Variants in ABCC8 observed in about 807,000 individuals in gnomAD.
The protein encoded by ABCC8 is ATP-binding cassette sub-family C member 8.
ABCC8 carries 137 observed loss-of-function variants against 188.0 expected under a neutral mutation model. That is an observed-to-expected ratio of 0.73 (90% CI 0.63 to 0.84). The LOEUF (loss-of-function observed/expected upper bound fraction) is 0.84. Ranked by LOEUF, ABCC8 falls within the 40% of genes least tolerant of loss-of-function variation. The pLI, the probability that ABCC8 is intolerant of heterozygous loss-of-function variation, is 0.00. For synonymous variants in ABCC8, 797 were observed against 846.5 expected (o/e 0.94, Z 1.01); for missense variants, 1,750 against 2,072.7 (o/e 0.84, Z 3.02).
At chr11:17,410,482 C>G in intron 22 of ABCC8, 34 bp downstream of exon 22, 1 of 1,610,998 alleles carries the variant, frequency 6.2e-7, no homozygotes, top group Non-Finnish European at 8.5e-7. Context: ...CCCAGCCCTG[C>G]CCCCTATAGC....
At chr11:17,450,255 TC>T in intron 7 of ABCC8, among the ~76,000 whole-genome samples, 12 of 52,290 alleles carry the variant, frequency 2.3e-4, no homozygotes, top group African/African-American at 7.4e-4. Flanking sequence ...TTTCTTTCTT[TC>T]TTTCTCTTTC....
chr11:17,476,645 G>A lies in ABCC8; in HGVS notation c.132C>T (p.Phe44=), dbSNP rs1360056942. The A allele has an allele frequency of 1.9e-6, 3 of 1,612,144 alleles. No homozygotes were observed. Among genetic ancestry groups the A allele is most frequent in the East Asian group, 4.5e-5 (2 of 44,832 alleles). The change falls in exon 1 of 39, where the codon TTC becomes TTT. Residue 44 remains phenylalanine, a synonymous_variant. Coordinates refer to ENST00000389817, the MANE Select transcript of ABCC8 (RefSeq NM_000352.6). ...CGCACTCACCAATGAAGAGGATGGG[G>A]AAGGTGATGAAGAGTAGGAAGACGT... ...VPHVFLLFIT[F]PILFIGWGSQ...
chr11:17,461,341 A>G (rs748660307), intron 5 of ABCC8: 3 of 568,526 alleles, frequency 5.3e-6, no homozygotes, highest in Non-Finnish European at 9.4e-6. Flanking sequence ...CCATCTGGAT[A>G]AGGACTTTGG....
In ABCC8 at chr11:17,427,277, G is replaced by T; in HGVS notation, c.2117-123C>A. On this transcript the variant is annotated intron_variant, in intron 15 of 38. Transcript: ENST00000389817. The surrounding 1 kb of genome is among the most constrained non-coding windows in gnomAD (Gnocchi z 5.0). ...CCCCTGTTTTCTTTCTTCCTACCTA[G>T]AATCCCCAGCAAGTCCTCTCCCTCT... The T allele has an allele frequency of 7.3e-7, 1 of 1,374,110 alleles. No homozygotes were observed. Among genetic ancestry groups the T allele is most frequent in the African/African-American group, 1.5e-5 (1 of 68,270 alleles). The allele number at this position is 1,374,110 out of a possible 1,614,324, so 85.1% of individuals were successfully genotyped here.
At chr11:17,402,238 C>T (rs1192301306) in intron 29 of ABCC8, among the ~76,000 whole-genome samples, 2 of 152,176 alleles carry the variant, frequency 1.3e-5, no homozygotes, top group Non-Finnish European at 2.9e-5. Context: ...TGGAAATGAC[C>T]ATTCTCAGCA....
chr11:17,439,917 C>T (rs1230338337), intron 10 of ABCC8, among the ~76,000 whole-genome samples: 1 of 152,274 alleles, frequency 6.6e-6, no homozygotes, highest in East Asian at 1.9e-4. Context: ...CTTCTGGGGG[C>T]TCTGGGGGAC....
In ABCC8 at chr11:17,404,505, C is replaced by T. The variant is rs2133438141; in HGVS notation, c.3557+7G>A. On this transcript the variant is annotated splice_region_variant and intron_variant, in intron 28 of 38. Transcript: ENST00000389817. The surrounding 1 kb of genome is among the most constrained non-coding windows in gnomAD (Gnocchi z 4.7). ...CACCTCCCACCCCTCACCCCTGAGG[C>T]CATCACCTGGACGCCACCCGGAAGT... is the stretch of plus-strand genomic sequence containing the variant. 1 of 1,613,562 alleles carries T rather than the reference C, an allele frequency of 6.2e-7. No individual in the cohort carries two copies. The highest frequency in any genetic ancestry group is 1.6e-4 in the Middle Eastern group (1 of 6,062).
intron 3 of ABCC8, among the ~76,000 whole-genome samples, chr11:17,468,652 TG>T (rs1401692748): frequency 1.3e-5 from 2 of 152,196 alleles, no homozygotes; most frequent in African/African-American, 4.8e-5. Context: ...AAGGATTAAA[TG>T]AATTAATATA....
chr11:17,444,920 C>A (rs924194633), intron 8 of ABCC8, among the ~76,000 whole-genome samples: 7 of 152,198 alleles, frequency 4.6e-5, no homozygotes, highest in African/African-American at 1.7e-4. Context: ...ATTAAATGAA[C>A]CTTTATGATA....
In ABCC8 at chr11:17,395,259, C is replaced by T. The variant is rs759663539; in HGVS notation, c.4324G>A (p.Glu1442Lys). The change falls in exon 36 of 39, where the codon GAG (glutamate) becomes AAG (lysine). Residue 1442 changes from glutamate (E) to lysine (K), a missense_variant. By Grantham distance (56) the Glu-to-Lys change is moderately conservative (BLOSUM62 1). Coordinates refer to ENST00000389817, the MANE Select transcript of ABCC8 (RefSeq NM_000352.6). Reference sequence around the variant, plus strand: ...AGTGTGCTATCTGAGCACTTCCTCTCAGGGTCCAGGTTAAATCTGGAAGTG... The same window carrying T: ...AGTGTGCTATCTGAGCACTTCCTCTTAGGGTCCAGGTTAAATCTGGAAGTG... ...SGTIRFNLDP[E>K]RKCSDSTLWE... 2.5e-6 allele frequency: 4 copies of T among 1,593,948 alleles called. No homozygotes were observed. The South Asian group carries it at 4.6e-5, about 18-fold the overall frequency.
Position 17,404,799 on chromosome 11 carries a change from T to C in ABCC8, c.3400-130A>G. On this transcript the variant is annotated intron_variant, in intron 27 of 38. Coordinates refer to ENST00000389817, the MANE Select transcript of ABCC8 (RefSeq NM_000352.6). This position sits in a 1 kb window ranked among gnomAD's most constrained non-coding sequence, Gnocchi z 4.7. ...ATTTTTTTGAGACTGAGTCTCACTG[T>C]TGCCCAGACTTGAGTGCAGCAGCGT... 2.2e-6 allele frequency: 3 copies of C among 1,382,094 alleles called. No homozygotes were observed. The South Asian group carries it at 3.9e-5, about 18-fold the overall frequency. The allele number at this position is 1,382,094 out of a possible 1,614,324, so 85.6% of individuals were successfully genotyped here. A position where few individuals can be genotyped will look rare whatever the true frequency, so the allele number is the denominator to read the frequency against.
chr11:17,473,080 A>G lies in ABCC8; in HGVS notation c.290+1806T>C, dbSNP rs372868628. Among the ~76,000 whole-genome samples the G allele has an allele frequency of 1.4e-3, 218 of 152,286 alleles. 3 individuals are homozygous for G. The highest frequency in any genetic ancestry group is 2.3e-3 in the Non-Finnish European group (156 of 68,036). On this transcript the variant is annotated intron_variant, in intron 2 of 38. Coordinates refer to ENST00000389817, the MANE Select transcript of ABCC8 (RefSeq NM_000352.6). ...AAAATGTTTTATCGTATGTTTATAAATGCTTATGAGGCCCAGAAAGCCTGA... is the reference window on the plus strand; with the variant it reads ...AAAATGTTTTATCGTATGTTTATAAGTGCTTATGAGGCCCAGAAAGCCTGA...
intron 21 of ABCC8, among the ~76,000 whole-genome samples, chr11:17,410,901 A>G (rs1269863124): frequency 1.3e-5 from 2 of 152,122 alleles, no homozygotes; most frequent in Non-Finnish European, 2.9e-5. Flanking sequence ...TGGACCTTCA[A>G]CGGCTCCCCA....
intron 35 of ABCC8, 164 bp downstream of exon 35, chr11:17,395,446 A>AT: frequency 6.8e-7 from 1 of 1,472,492 alleles, no homozygotes. Flanking sequence ...TGGGTGGGGG[A>AT]TCCCCTTCCA....
intron 31 of ABCC8, 178 bp downstream of exon 31, chr11:17,397,506 G>C: frequency 7.1e-7 from 1 of 1,416,958 alleles, no homozygotes; most frequent in Non-Finnish European, 9.6e-7. Flanking sequence ...ACCTCCACCT[G>C]TCTGGGGCCT....
chr11:17,459,241 T>C (rs1957099742), intron 6 of ABCC8, among the ~76,000 whole-genome samples: 1 of 152,224 alleles, frequency 6.6e-6, no homozygotes, highest in African/African-American at 2.4e-5. Flanking sequence ...AAAGGATAGT[T>C]TTAGGGATTA....
At chr11:17,413,283 A>T in intron 20 of ABCC8, 111 bp downstream of exon 20, 4 of 1,503,102 alleles carry the variant, frequency 2.7e-6, no homozygotes, top group Non-Finnish European at 3.7e-6. Flanking sequence ...GCAACTCTTC[A>T]GCCTTCAATG....
At chr11:17,407,176 C>A in intron 24 of ABCC8, 47 bp from the exon 25 acceptor site, 1 of 1,600,260 alleles carries the variant, frequency 6.2e-7, no homozygotes, top group Non-Finnish European at 8.5e-7. Context: ...TTCCATCCCT[C>A]TGAGGGTGAA....
rs199784172 is a variant in ABCC8 at position 17,428,336 on chromosome 11, T to A, written c.1993A>T (p.Ser665Cys). Residue 665 changes from serine to cysteine, a missense_variant, in exon 14 of 39, where the codon AGC becomes TGC. Coordinates refer to ENST00000389817, the MANE Select transcript of ABCC8 (RefSeq NM_000352.6). ...TCGCCATCTGCACTGGGGACCAGGC[T>A]CTGCAGTGGGCCGGTGAGGCCCCGA... The part of the protein sequence containing the change: ...DCRGLTGPLQ[S>C]LVPSADGDAD... 4.0e-5 allele frequency: 65 copies of A among 1,614,142 alleles called. No homozygotes were observed. Among genetic ancestry groups the A allele is most frequent in the Non-Finnish European group, 5.3e-5 (62 of 1,180,020 alleles).
Sources: gnomAD v4.1 joint callset for allele counts (sites outside exome capture counted in the v4.1 genomes callset) on GRCh38, gnomAD v4.1.1 for gene constraint, Gnocchi (gnomAD v3.1) non-coding constraint, MANE v1.5 for transcripts, NCBI Gene and HGNC (gene_info 2026-07-23, HGNC 2026-07-21) for gene names.